The following CEP350 variants were observed in gnomAD, a reference collection of about 807,000 sequenced individuals.
CEP350 encodes the protein centrosomal protein 350, also known as centrosome-associated protein 350.
CEP350 carries 126 observed loss-of-function variants against 331.8 expected under a neutral mutation model. The ratio of observed to expected loss-of-function variants is 0.38; its 90% CI spans 0.33 to 0.44. The LOEUF (loss-of-function observed/expected upper bound fraction) is 0.44. Ranked by LOEUF, CEP350 falls within the 20% of genes least tolerant of loss-of-function variation. CEP350 has a pLI of 1.00. For synonymous variants in CEP350, 1,200 were observed against 1,259.5 expected (o/e 0.95, Z 1.00); for missense variants, 3,406 against 3,634.6 (o/e 0.94, Z 1.62).
At chr1:180,016,620 C>T (rs557850762) in intron 11 of CEP350, among the ~76,000 whole-genome samples, 8 of 149,446 alleles carry the variant, frequency 5.4e-5, no homozygotes, top group African/African-American at 1.7e-4. Context: ...TTTGAGAACA[C>T]GTAAATAGAA....
At position 180,020,777 on chromosome 1, in the gene CEP350, T is replaced by C. The variant is rs1324002605; in HGVS notation, c.3003T>C (p.Asp1001=). Residue 1001 remains aspartate, a synonymous_variant, in exon 12 of 38, where the codon GAT becomes GAC. Transcript: ENST00000367607. ...TCTCTGAAGAAGAGGGAGACCAGGA[T>C]GGACAGCCCCTTTTGAAAGTAGCAG... ...GSLSEEEGDQ[D]GQPLLKVAEI... 3 of 1,613,756 alleles carry C rather than the reference T, an allele frequency of 1.9e-6. No individual in the cohort carries two copies. The Admixed American group carries it at 5.0e-5, about 27-fold the overall frequency.
At chr1:180,069,342 A>G (rs1426172383) in intron 27 of CEP350, among the ~76,000 whole-genome samples, 1 of 152,218 alleles carries the variant, frequency 6.6e-6, no homozygotes, top group African/African-American at 2.4e-5. Context: ...ATAGTGTCTG[A>G]TCAATGTCGA....
At chr1:180,007,214 A>T (rs1369310394) in intron 8 of CEP350, among the ~76,000 whole-genome samples, 3 of 152,182 alleles carry the variant, frequency 2.0e-5, no homozygotes, top group Non-Finnish European at 4.4e-5. Context: ...GAACTAATTT[A>T]TACTCCCACC....
chr1:180,035,131 A>G (rs561645605), intron 16 of CEP350, among the ~76,000 whole-genome samples: 1 of 152,332 alleles, frequency 6.6e-6, no homozygotes, highest in East Asian at 1.9e-4. Flanking sequence ...TGGCATCTTT[A>G]AGCCAAAGCT....
chr1:180,022,548 A>G, intron 12 of CEP350, 150 bp from the exon 13 acceptor site: 1 of 611,842 alleles, frequency 1.6e-6, no homozygotes, highest in Non-Finnish European at 2.8e-6. Context: ...AAAAAGTATC[A>G]TTGGATATAA....
In CEP350 at chr1:180,090,287, C is replaced by T. The variant is rs113002751; in HGVS notation, c.6426-427C>T. On this transcript the variant is annotated intron_variant, in intron 32 of 37. Transcript: ENST00000367607. The stretch of plus-strand genomic sequence containing the variant: ...TGAGGCCGGGCGCGGTGGCTCACGC[C>T]TGTAATCCCAGCCCTTTGGGAGGCA... Among the ~76,000 whole-genome samples the T allele has an allele frequency of 5.4e-3, 823 of 152,074 alleles. 11 individuals are homozygous for T. Among genetic ancestry groups the T allele is most frequent in the African/African-American group, 0.018 (767 of 41,500 alleles).
chr1:179,977,202 T>G (rs764032994), intron 1 of CEP350, among the ~76,000 whole-genome samples: 2 of 152,186 alleles, frequency 1.3e-5, no homozygotes, highest in Non-Finnish European at 2.9e-5. Context: ...CAGTAGTGGA[T>G]AGGGGTAATT....
intron 2 of CEP350, among the ~76,000 whole-genome samples, chr1:179,986,551 T>C (rs546738854): frequency 1.4e-4 from 21 of 152,312 alleles, no homozygotes; most frequent in African/African-American, 4.8e-4. Context: ...TACAGACTTA[T>C]AGGGGTACAG....
intron 21 of CEP350, among the ~76,000 whole-genome samples, chr1:180,044,896 GA>G (rs71118429): frequency 1.3e-4 from 19 of 145,576 alleles, no homozygotes; most frequent in African/African-American, 2.3e-4. Context: ...TTGATTATAG[GA>G]AAAAAAAAAA....
intron 37 of CEP350, among the ~76,000 whole-genome samples, chr1:180,102,217 C>T (rs542180760): frequency 8.5e-4 from 129 of 151,458 alleles, no homozygotes; most frequent in African/African-American, 3.1e-3. Flanking sequence ...CTCACTACAA[C>T]CTCCGCCTCC....
In CEP350 at chr1:179,993,572, A is replaced by G. The variant is rs546267322; in HGVS notation, c.395+1351A>G. 1.9e-4 allele frequency among the ~76,000 whole-genome samples: 29 copies of G among 152,126 alleles called. No homozygotes were observed. In the South Asian group the frequency reaches 6.0e-3, roughly 32 times the overall value. ...TAGCTGAGGCTTACAGGCGCTAGCT[A>G]CCATGACCGACTAATTTTTTTTTGT... On this transcript the variant is annotated intron_variant, in intron 5 of 37. Transcript: ENST00000367607.
intron 11 of CEP350, among the ~76,000 whole-genome samples, chr1:180,016,899 G>A (rs1239355842): frequency 1.3e-5 from 2 of 152,000 alleles, no homozygotes; most frequent in Non-Finnish European, 2.9e-5. Context: ...CTGACCTCAA[G>A]TGATCCACCC....
Position 180,087,614 on chromosome 1 carries a change from C to G in CEP350, c.6322C>G (p.Leu2108Val), listed in dbSNP as rs759215692. The G allele has an allele frequency of 6.5e-7, 1 of 1,547,918 alleles. No homozygotes were observed. Among genetic ancestry groups the G allele is most frequent in the African/African-American group, 1.4e-5 (1 of 73,002 alleles). Residue 2108 changes from leucine to valine, a missense_variant, in exon 32 of 38, where the codon CTT (leucine) becomes GTT (valine). Coordinates refer to ENST00000367607, the MANE Select transcript of CEP350 (RefSeq NM_014810.5). ...ATTTATTAAGAAAACTGAAGCCGAG[C>G]TTAGCCAAGATTTGGAAACATCACC... ...DEFIKKTEAELSQDLETSPTA... is the reference protein window; with the variant it reads ...DEFIKKTEAEVSQDLETSPTA...
rs778788295 is a variant in CEP350, at chr1:180,014,493, G to T, written c.2040G>T (p.Thr680=). The T allele has an allele frequency of 4.4e-6, 7 of 1,603,200 alleles. No homozygotes were observed. The highest frequency in any genetic ancestry group is 5.1e-6 in the Non-Finnish European group (6 of 1,176,130). Residue 680 remains threonine (T), a synonymous_variant, in exon 10 of 38, where the codon ACG becomes ACT. Transcript: ENST00000367607. The part of the protein sequence containing the change: ...LLEEPSHQHV[T]QETQAKPGYQ... ...AAGAGCCATCTCATCAACATGTTAC[G>T]CAGGAAACACAGGTAATAGTAGTGA...
At chr1:179,984,611 A>G (rs1366410320) in intron 1 of CEP350, among the ~76,000 whole-genome samples, 1 of 152,222 alleles carries the variant, frequency 6.6e-6, no homozygotes, top group African/African-American at 2.4e-5. Context: ...TTAGTTTAAA[A>G]TAAGTCTCTA....
chr1:180,080,378 A>G (rs1659492969), intron 29 of CEP350, 139 bp from the exon 30 acceptor site: 2 of 727,346 alleles, frequency 2.7e-6, no homozygotes. Context: ...ATAATTTGTA[A>G]ACTTTTTTCA....
chr1:180,109,660 G>A (rs1661369736), intron 37 of CEP350, among the ~76,000 whole-genome samples: 1 of 151,544 alleles, frequency 6.6e-6, no homozygotes, highest in African/African-American at 2.4e-5. Flanking sequence ...TTTTTAGACG[G>A]AGTTTCACTC....
At chr1:180,058,483 T>C (rs1344210737) in intron 25 of CEP350, among the ~76,000 whole-genome samples, 5 of 152,192 alleles carry the variant, frequency 3.3e-5, no homozygotes, top group African/African-American at 1.2e-4. Flanking sequence ...AACCAATTAG[T>C]AGTATATGTT....
chr1:180,087,673 A>T lies in CEP350; in HGVS notation c.6381A>T (p.Ser2127=). The T allele has an allele frequency of 6.3e-7, 1 of 1,582,864 alleles. No homozygotes were observed. The highest frequency in any genetic ancestry group is 1.7e-4 in the Middle Eastern group (1 of 6,004). The change falls in exon 32 of 38, where the codon TCA becomes TCT. Residue 2127 remains serine, a synonymous_variant. Coordinates refer to ENST00000367607, the MANE Select transcript of CEP350 (RefSeq NM_014810.5). ...TAKPQIKTLS[S]ASEKPKIKPL... ...AGCCTCAGATTAAAACGCTCTCCTCAGCTTCTGAAAAACCCAAGATCAAAC... is the reference window on the plus strand; with the variant it reads ...AGCCTCAGATTAAAACGCTCTCCTCTGCTTCTGAAAAACCCAAGATCAAAC...
Sources: allele counts gnomAD v4.1 joint callset (sites outside exome capture counted in the v4.1 genomes callset), GRCh38; gene constraint gnomAD v4.1.1; transcripts MANE v1.5; gene names NCBI Gene and HGNC (gene_info 2026-07-23, HGNC 2026-07-21).